IGF2BP1: variants seen among roughly 807,000 people sequenced by gnomAD.
IGF2BP1 encodes insulin-like growth factor 2 mRNA-binding protein 1.
A neutral mutation model predicts 74.9 loss-of-function variants in IGF2BP1; 11 were observed. That is an observed-to-expected ratio of 0.15 (90% CI 0.09 to 0.24). The LOEUF (loss-of-function observed/expected upper bound fraction) is 0.24. IGF2BP1 is among the 10% of genes least tolerant of loss of function. The pLI, the probability that IGF2BP1 is intolerant of heterozygous loss-of-function variation, is 1.00. For synonymous variants in IGF2BP1, 287 were observed against 281.8 expected, an observed-to-expected ratio of 1.02 and a Z score of -0.18; for missense variants, 440 against 757.4, an observed-to-expected ratio of 0.58 and a Z score of 4.92.
At chr17:49,035,606 C>T (rs930009531) in intron 5 of IGF2BP1, among the ~76,000 whole-genome samples, 1 of 152,158 alleles carries the variant, frequency 6.6e-6, no homozygotes, top group African/African-American at 2.4e-5. Flanking sequence ...CACCACATGG[C>T]GCCTCCCTGC....
intron 2 of IGF2BP1, among the ~76,000 whole-genome samples, chr17:49,017,034 G>A (rs950112481): frequency 7.3e-5 from 11 of 151,490 alleles, no homozygotes; most frequent in African/African-American, 1.2e-4. Context: ...ATAAGGAGGC[G>A]GGGTGGGGAG....
At position 49,052,341 on chromosome 17, in the gene IGF2BP1, G is replaced by T. The variant is rs2042177221; in HGVS notation, c.*2897G>T. On this transcript the variant is annotated 3_prime_UTR_variant, in exon 15 of 15. Coordinates refer to ENST00000290341, the MANE Select transcript of IGF2BP1 (RefSeq NM_006546.4). ...CAAGCATGCTTTGATATCTGGTTCA[G>T]ACTATCATCAGGAAGAAAAAAAAAT... The T allele has an allele frequency of 1.3e-5, 2 of 152,132 alleles. No individual in the cohort carries two copies. The highest frequency in any genetic ancestry group is 2.9e-5 in the Non-Finnish European group (2 of 68,030). The allele number at this position is 152,132 out of a possible 1,614,324, so 9.4% of individuals were successfully genotyped here.
At chr17:49,026,548 C>G in intron 4 of IGF2BP1, 31 bp downstream of exon 4, 7 of 1,597,286 alleles carry the variant, frequency 4.4e-6, no homozygotes, top group Non-Finnish European at 6.0e-6. Flanking sequence ...GGGTGGCACT[C>G]GTGGTGGGGG....
At chr17:49,019,904 TTATATATATATATA>T (rs60753189) in intron 2 of IGF2BP1, among the ~76,000 whole-genome samples, 718 of 43,870 alleles carry the variant, frequency 0.016, 15 homozygotes, top group African/African-American at 0.046. Flanking sequence ...CCTGGCTAAT[TTATATATATATATA>T]TATATATATA....
At position 49,048,090 on chromosome 17, in the gene IGF2BP1, T is replaced by G. The variant is rs573059229; in HGVS notation, c.1642-1262T>G. On this transcript the variant is annotated intron_variant, in intron 14 of 14. Coordinates refer to ENST00000290341, the MANE Select transcript of IGF2BP1 (RefSeq NM_006546.4). Reference sequence around the variant, plus strand: ...ACATTCTGGTCTTCATTCTATGAAGTGAATCCCATTTTGCAGTTTATTTCC... The same window carrying G: ...ACATTCTGGTCTTCATTCTATGAAGGGAATCCCATTTTGCAGTTTATTTCC... Among the ~76,000 whole-genome samples the G allele has an allele frequency of 1.8e-4, 27 of 152,290 alleles. 1 individual carries two copies. In the South Asian group the frequency reaches 5.4e-3, roughly 30 times the overall value.
chr17:48,999,409 A>G (rs560864043), intron 2 of IGF2BP1, among the ~76,000 whole-genome samples: 1 of 152,028 alleles, frequency 6.6e-6, no homozygotes, highest in East Asian at 1.9e-4. Flanking sequence ...TGTTACTTGC[A>G]GAATTAAAGG....
Position 49,051,856 on chromosome 17 carries a change from C to G in IGF2BP1, c.*2412C>G, listed in dbSNP as rs1425195622. The stretch of plus-strand genomic sequence containing the variant: ...TCATTTTTTTTTTTTGTTATTGTTT[C>G]ATTTCAGTTCCGTCTTGCTATTCTT... On this transcript the variant is annotated 3_prime_UTR_variant, in exon 15 of 15. Coordinates refer to ENST00000290341, the MANE Select transcript of IGF2BP1 (RefSeq NM_006546.4). 1 of 150,592 alleles carries G rather than the reference C, an allele frequency of 6.6e-6. No individual in the cohort carries two copies. The allele number at this position is 150,592 out of a possible 1,614,324, so 9.3% of individuals were successfully genotyped here.
At chr17:49,037,256 C>A (rs569763870) in intron 5 of IGF2BP1, 6 of 444,750 alleles carry the variant, frequency 1.3e-5, no homozygotes, top group African/African-American at 4.2e-5. Flanking sequence ...ACTCTGGAAC[C>A]CTTACGGTAG....
intron 9 of IGF2BP1, among the ~76,000 whole-genome samples, chr17:49,043,166 T>C (rs1453620319): frequency 6.6e-6 from 1 of 152,204 alleles, no homozygotes; most frequent in African/African-American, 2.4e-5. Flanking sequence ...GAAGGACTCC[T>C]GAGGGTGTAC....
At chr17:49,033,029 C>T (rs1440964573) in intron 5 of IGF2BP1, among the ~76,000 whole-genome samples, 1 of 152,228 alleles carries the variant, frequency 6.6e-6, no homozygotes, top group Non-Finnish European at 1.5e-5. Context: ...GTTGCCCAAG[C>T]TGGTCTCGAA....
chr17:49,014,555 A>AG (rs942782080), intron 2 of IGF2BP1, among the ~76,000 whole-genome samples: 3 of 151,314 alleles, frequency 2.0e-5, no homozygotes, highest in East Asian at 2.0e-4. Context: ...AGGGCACTTG[A>AG]GGGGGGGAGG....
intron 5 of IGF2BP1, chr17:49,037,137 C>A: frequency 2.5e-6 from 1 of 407,624 alleles, no homozygotes; most frequent in Non-Finnish European, 4.7e-6. Flanking sequence ...AGTTTTGAAG[C>A]AGCATCTCAG....
chr17:49,020,002 A>T (rs2041771564), intron 2 of IGF2BP1, among the ~76,000 whole-genome samples: 1 of 95,886 alleles, frequency 1.0e-5, no homozygotes, highest in African/African-American at 4.7e-5. Flanking sequence ...ATATACACAC[A>T]CACACACATA....
intron 4 of IGF2BP1, among the ~76,000 whole-genome samples, chr17:49,031,051 A>G (rs1467722987): frequency 6.6e-6 from 1 of 152,204 alleles, no homozygotes; most frequent in Non-Finnish European, 1.5e-5. Context: ...GGCTACACCC[A>G]TTTGTATATC....
intron 14 of IGF2BP1, among the ~76,000 whole-genome samples, chr17:49,047,031 T>C (rs1216421046): frequency 6.6e-6 from 1 of 152,208 alleles, no homozygotes; most frequent in East Asian, 1.9e-4. Context: ...TTGTTAGAAC[T>C]GGAAAGGAAC....
intron 11 of IGF2BP1, 83 bp downstream of exon 11, chr17:49,044,169 C>G: frequency 1.3e-6 from 2 of 1,527,684 alleles, no homozygotes; most frequent in Non-Finnish European, 1.8e-6. Context: ...CCATATTCCC[C>G]CTACTCATTT....
Position 49,051,347 on chromosome 17 carries a change from G to C in IGF2BP1, c.*1903G>C, listed in dbSNP as rs1484370763. ...TATGGAGAACAGGCCTGGTGGGAAA[G>C]GCTTTGGGGGCTGCCCCCTTAGGAG... On this transcript the variant is annotated 3_prime_UTR_variant, in exon 15 of 15. Coordinates refer to ENST00000290341, the MANE Select transcript of IGF2BP1 (RefSeq NM_006546.4). 6.5e-6 allele frequency: 1 copy of C among 152,672 alleles called. No individual in the cohort carries two copies. Among genetic ancestry groups the C allele is most frequent in the Non-Finnish European group, 1.5e-5 (1 of 68,066 alleles). 9.5% of individuals were successfully genotyped at this position (152,672 alleles called of 1,614,324 possible).
chr17:49,019,904 TTATATATATATATATATATATATA>T (rs60753189), intron 2 of IGF2BP1, among the ~76,000 whole-genome samples: 60 of 43,906 alleles, frequency 1.4e-3, no homozygotes, highest in Middle Eastern at 0.012. Flanking sequence ...CCTGGCTAAT[TTATATATATATATATATATATATA>T]TATATATATA....
intron 2 of IGF2BP1, among the ~76,000 whole-genome samples, chr17:49,020,479 C>A (rs761170572): frequency 1.3e-5 from 2 of 152,212 alleles, no homozygotes; most frequent in South Asian, 4.1e-4. Context: ...GGTTGAGTAT[C>A]TTGTCTAAGT....
Sources: gnomAD v4.1 joint callset for allele counts (sites outside exome capture counted in the v4.1 genomes callset) on GRCh38, gnomAD v4.1.1 for gene constraint, MANE v1.5 for transcripts, NCBI Gene and HGNC (gene_info 2026-07-23, HGNC 2026-07-21) for gene names.